The following ADAM22 variants were observed in gnomAD, a reference collection of about 807,000 sequenced individuals.
ADAM22 encodes disintegrin and metalloproteinase domain-containing protein 22.
A neutral mutation model predicts 144.6 loss-of-function variants in ADAM22; 65 were observed. That is an observed-to-expected ratio of 0.45 (90% CI 0.37 to 0.55). The LOEUF is 0.55. ADAM22 is among the 20% of genes least tolerant of loss of function. The pLI, the probability that ADAM22 is intolerant of heterozygous loss-of-function variation, is 0.00. For synonymous variants in ADAM22, 391 were observed against 412.6 expected (o/e 0.95, Z 0.63); for missense variants, 974 against 1,184.9 (o/e 0.82, Z 2.61).
intron 3 of ADAM22, among the ~76,000 whole-genome samples, chr7:88,031,236 A>G (rs151013081): frequency 0.012 from 1,884 of 152,336 alleles, 36 homozygotes; most frequent in African/African-American, 0.041. Flanking sequence ...GGAGTGGGGT[A>G]TTGCTATAAG....
chr7:88,011,454 G>A (rs1259747267), intron 3 of ADAM22, among the ~76,000 whole-genome samples: 3 of 151,752 alleles, frequency 2.0e-5, no homozygotes, highest in Admixed American at 6.6e-5. Context: ...GCAGGAGAAT[G>A]GCGTGAACCC....
chr7:88,003,934 A>C (rs2129457398), intron 3 of ADAM22, among the ~76,000 whole-genome samples: 1 of 152,346 alleles, frequency 6.6e-6, no homozygotes, highest in Admixed American at 6.5e-5. Context: ...GTTACTGGTT[A>C]CTTGCACCTG....
In ADAM22 at chr7:87,947,555, C is replaced by T. The variant is rs116756078; in HGVS notation, c.246+12369C>T. ...AGTGGTGGGGAGAGGATATTGGTGC[C>T]GAGATACTAAGAATTTTCACTTAAT... is the stretch of plus-strand genomic sequence containing the variant. On this transcript the variant is annotated intron_variant, in intron 2 of 31. Transcript: ENST00000413139. Among the ~76,000 whole-genome samples, 348 of 151,760 alleles carry T rather than the reference C, an allele frequency of 2.3e-3. 2 individuals are homozygous for T. The highest frequency in any genetic ancestry group is 6.7e-3 in the African/African-American group (279 of 41,404).
intron 7 of ADAM22, among the ~76,000 whole-genome samples, chr7:88,120,890 T>C (rs1224621517): frequency 6.6e-6 from 1 of 152,234 alleles, no homozygotes; most frequent in South Asian, 2.1e-4. Flanking sequence ...TCTATAGTTT[T>C]ATTTTTTATG....
intron 3 of ADAM22, among the ~76,000 whole-genome samples, chr7:88,014,959 G>A (rs1350784635): frequency 6.6e-6 from 1 of 152,198 alleles, no homozygotes; most frequent in African/African-American, 2.4e-5. Flanking sequence ...CAGGTTTGTA[G>A]AACTCTCCAG....
At chr7:88,038,885 A>G (rs1210305302) in intron 3 of ADAM22, among the ~76,000 whole-genome samples, 3 of 151,722 alleles carry the variant, frequency 2.0e-5, no homozygotes, top group Non-Finnish European at 4.4e-5. Context: ...GGCTCAAGCA[A>G]TCCTCCCACC....
chr7:87,974,830 T>A (rs973936473), intron 2 of ADAM22, among the ~76,000 whole-genome samples: 1 of 152,202 alleles, frequency 6.6e-6, no homozygotes, highest in African/African-American at 2.4e-5. Context: ...GATTCATTCC[T>A]TGCCTTTTCT....
chr7:88,011,950 GT>G (rs1174152615), intron 3 of ADAM22, among the ~76,000 whole-genome samples: 1 of 150,704 alleles, frequency 6.6e-6, no homozygotes, highest in Non-Finnish European at 1.5e-5. Context: ...TCTCTTGCTT[GT>G]TTTTATGCTA....
At chr7:88,180,606 GAAT>G (rs1846760726) in intron 27 of ADAM22, among the ~76,000 whole-genome samples, 1 of 151,886 alleles carries the variant, frequency 6.6e-6, no homozygotes, top group Admixed American at 6.6e-5. Context: ...CCATTAACCA[GAAT>G]AATATGTGGA....
intron 4 of ADAM22, among the ~76,000 whole-genome samples, chr7:88,106,502 C>G (rs1156458025): frequency 6.6e-6 from 1 of 152,166 alleles, no homozygotes; most frequent in South Asian, 2.1e-4. Flanking sequence ...AAACACTGAA[C>G]ATTTTAAGTA....
At chr7:87,999,882 C>A (rs1044387550) in intron 3 of ADAM22, among the ~76,000 whole-genome samples, 1 of 151,526 alleles carries the variant, frequency 6.6e-6, no homozygotes, top group Non-Finnish European at 1.5e-5. Context: ...AGGCTGAGGT[C>A]GAAGGAGACT....
chr7:88,079,818 T>C (rs1168755145), intron 4 of ADAM22, among the ~76,000 whole-genome samples: 2 of 152,070 alleles, frequency 1.3e-5, no homozygotes, highest in Non-Finnish European at 2.9e-5. Context: ...ATATATGCAC[T>C]CAATACAGGA....
chr7:88,129,639 A>G (rs1480359361), intron 9 of ADAM22, among the ~76,000 whole-genome samples: 1 of 152,072 alleles, frequency 6.6e-6, no homozygotes, highest in Non-Finnish European at 1.5e-5. Context: ...AGATCGTCAC[A>G]AATTCAGATA....
chr7:88,177,561 C>G (rs1277733591), intron 26 of ADAM22, among the ~76,000 whole-genome samples: 1 of 152,040 alleles, frequency 6.6e-6, no homozygotes, highest in Non-Finnish European at 1.5e-5. Flanking sequence ...ATTCTACTTT[C>G]TTTAGTAAAC....
In ADAM22 at chr7:87,946,903, C is replaced by A. The variant is rs768176969; in HGVS notation, c.246+11717C>A. On this transcript the variant is annotated intron_variant, in intron 2 of 31. Transcript: ENST00000413139. Reference sequence around the variant, plus strand: ...AATAATGATATTATATCCTTTGCAGCCACACAGATGTGGCGGGAGGCCATT... The same window carrying A: ...AATAATGATATTATATCCTTTGCAGACACACAGATGTGGCGGGAGGCCATT... Among the ~76,000 whole-genome samples the A allele has an allele frequency of 1.0e-3, 159 of 152,214 alleles. 1 individual carries two copies. The highest frequency in any genetic ancestry group is 3.7e-3 in the African/African-American group (153 of 41,530).
chr7:87,934,463 AC>A lies in ADAM22; in HGVS notation c.-1del. On this transcript the variant is annotated 5_prime_UTR_variant, in exon 1 of 32. Coordinates refer to ENST00000413139, the MANE Select transcript of ADAM22 (RefSeq NM_001324418.2). ...TCGGGCGAGGCGGGCTGACGGCAGC[AC>A]CATGCAGGCGGCAGTGGCTGTGTCC... 1 of 1,594,180 alleles carries A rather than the reference AC, an allele frequency of 6.3e-7. No homozygotes were observed. The highest frequency in any genetic ancestry group is 8.5e-7 in the Non-Finnish European group (1 of 1,174,260).
chr7:87,993,245 C>T (rs1298142607), intron 3 of ADAM22, among the ~76,000 whole-genome samples: 2 of 152,160 alleles, frequency 1.3e-5, no homozygotes, highest in South Asian at 2.1e-4. Context: ...ATGTACACCC[C>T]TTTACACTTG....
At chr7:88,101,713 T>G (rs1822980104) in intron 4 of ADAM22, among the ~76,000 whole-genome samples, 2 of 152,214 alleles carry the variant, frequency 1.3e-5, no homozygotes. Flanking sequence ...AGTGGAGTAC[T>G]ACATTCTGTA....
At chr7:88,175,430 A>T (rs1029018923) in intron 26 of ADAM22, among the ~76,000 whole-genome samples, 16 of 152,318 alleles carry the variant, frequency 1.1e-4, no homozygotes, top group African/African-American at 3.8e-4. Flanking sequence ...ATGTTATTTA[A>T]TGGGATGTAT....
Sources: allele counts gnomAD v4.1 joint callset (sites outside exome capture counted in the v4.1 genomes callset), GRCh38; gene constraint gnomAD v4.1.1; transcripts MANE v1.5; gene names NCBI Gene and HGNC (gene_info 2026-07-23, HGNC 2026-07-21).